Variants in ARMC2 observed in about 807,000 individuals in gnomAD.
ARMC2 encodes armadillo repeat containing 2.
ARMC2 carries 67 observed loss-of-function variants against 90.3 expected under a neutral mutation model. The observed-to-expected ratio is 0.74, with a 90% CI of 0.61 to 0.91. ARMC2 has a LOEUF of 0.91. ARMC2 is among the 40% of genes least tolerant of loss of function. The probability of loss-of-function intolerance (pLI) is 0.00; values close to 1 mark genes in which losing one functional copy is unlikely to be tolerated. For missense variants in ARMC2, 920 were observed against 1,030.9 expected, an observed-to-expected ratio of 0.89 and a Z score of 1.47; for synonymous variants, 393 against 393.0, an observed-to-expected ratio of 1.00 and a Z score of 0.00.
At chr6:108,947,268 T>C (rs1245855718) in intron 12 of ARMC2, among the ~76,000 whole-genome samples, 1 of 152,036 alleles carries the variant, frequency 6.6e-6, no homozygotes, top group Non-Finnish European at 1.5e-5. Context: ...GGGAAGATGA[T>C]GATGATTAGC....
the ARMC2 span, among the ~76,000 whole-genome samples, chr6:108,984,908 T>C: frequency 1.3e-5 from 2 of 152,130 alleles, no homozygotes; most frequent in African/African-American, 4.8e-5. Flanking sequence ...AGTTTCCCAA[T>C]TGGTTTCTAG....
At chr6:108,911,317 T>G (rs1281229509) in intron 9 of ARMC2, among the ~76,000 whole-genome samples, 1 of 152,162 alleles carries the variant, frequency 6.6e-6, no homozygotes, top group African/African-American at 2.4e-5. Context: ...GTATTTGACA[T>G]AGTTGAAAAT....
chr6:108,876,954 G>A (rs1776999653), intron 5 of ARMC2, among the ~76,000 whole-genome samples: 1 of 152,184 alleles, frequency 6.6e-6, no homozygotes, highest in Admixed American at 6.6e-5. Context: ...TTAAGGATCT[G>A]TGGAGAAATG....
At chr6:108,856,309 T>G (rs1364918823) in intron 2 of ARMC2, 3 of 152,230 alleles carry the variant, frequency 2.0e-5, no homozygotes, top group Non-Finnish European at 4.4e-5. Flanking sequence ...GTCCCAGCAC[T>G]GTTTTTTTTT....
intron 2 of ARMC2, among the ~76,000 whole-genome samples, chr6:108,857,534 C>T (rs758136172): frequency 6.6e-6 from 1 of 152,142 alleles, no homozygotes; most frequent in African/African-American, 2.4e-5. Flanking sequence ...CTGGGATGTT[C>T]TGTATGATAC....
intron 10 of ARMC2, among the ~76,000 whole-genome samples, chr6:108,926,488 G>T (rs1399592157): frequency 6.6e-6 from 1 of 152,238 alleles, no homozygotes; most frequent in Non-Finnish European, 1.5e-5. Flanking sequence ...GCTTTGGGAG[G>T]CTGAGGTGCT....
the ARMC2 span, among the ~76,000 whole-genome samples, chr6:109,022,360 A>G: frequency 7.0e-6 from 1 of 143,692 alleles, no homozygotes. Context: ...TTTCGATTTG[A>G]TATTAATAGA....
rs115757723 is a variant in ARMC2 at position 108,921,794 on chromosome 6, T to C, written c.1351-6294T>C. The stretch of plus-strand genomic sequence containing the variant: ...GTCTCTGGCGGCTGCGTTTATTCTT[T>C]TACATCATCAGTGGGAAGTCAACAA... On this transcript the variant is annotated intron_variant, in intron 10 of 17. Transcript: ENST00000392644. 3.6e-3 allele frequency among the ~76,000 whole-genome samples: 548 copies of C among 152,354 alleles called. 2 individuals are homozygous for C. Among genetic ancestry groups the C allele is most frequent in the African/African-American group, 0.012 (512 of 41,586 alleles).
the ARMC2 span, among the ~76,000 whole-genome samples, chr6:108,990,123 G>A: frequency 6.6e-6 from 1 of 152,200 alleles, no homozygotes; most frequent in African/African-American, 2.4e-5. Context: ...GTGTGAGAAG[G>A]TGGTATACAA....
intron 5 of ARMC2, among the ~76,000 whole-genome samples, chr6:108,889,924 C>T (rs1286545282): frequency 2.0e-5 from 3 of 151,346 alleles, no homozygotes; most frequent in Admixed American, 2.0e-4. Flanking sequence ...CGCGGTGGCT[C>T]ACGCCTGTAA....
intron 5 of ARMC2, among the ~76,000 whole-genome samples, chr6:108,877,162 A>T (rs958846234): frequency 6.6e-6 from 1 of 152,240 alleles, no homozygotes; most frequent in Non-Finnish European, 1.5e-5. Context: ...AGGACTTTCC[A>T]TTGGGTCATC....
chr6:108,986,897 C>G, the ARMC2 span: 2 of 152,280 alleles, frequency 1.3e-5, no homozygotes, highest in African/African-American at 4.8e-5. Context: ...AATTTAATAT[C>G]CAGAACCCTG....
the ARMC2 span, among the ~76,000 whole-genome samples, chr6:108,985,193 ACTT>A: frequency 6.6e-6 from 1 of 152,192 alleles, no homozygotes; most frequent in African/African-American, 2.4e-5. Flanking sequence ...TTACTTATCT[ACTT>A]ATCTCCTGGT....
At chr6:108,940,088 T>G (rs1776309808) in intron 12 of ARMC2, among the ~76,000 whole-genome samples, 1 of 152,182 alleles carries the variant, frequency 6.6e-6, no homozygotes, top group Admixed American at 6.5e-5. Context: ...TTTTTGCAAT[T>G]ATTTGTTTGC....
intron 5 of ARMC2, among the ~76,000 whole-genome samples, chr6:108,889,409 G>T (rs1251253225): frequency 6.6e-6 from 1 of 151,802 alleles, no homozygotes. Flanking sequence ...GCCTCCCAAA[G>T]TGCTGGGATT....
the ARMC2 span, among the ~76,000 whole-genome samples, chr6:108,985,098 T>C: frequency 1.3e-5 from 2 of 152,312 alleles, no homozygotes; most frequent in Non-Finnish European, 2.9e-5. Context: ...TAGTAACATT[T>C]CTGATTCATG....
Position 108,868,923 on chromosome 6 carries a change from G to T in ARMC2, c.391G>T (p.Ala131Ser), listed in dbSNP as rs140505039. The T allele has an allele frequency of 3.7e-4, 591 of 1,613,922 alleles. 2 individuals carry two copies. The highest frequency in any genetic ancestry group is 7.2e-4 in the Admixed American group (43 of 60,020). ...TGCGAAGATTAGAAGAGTAAGCAAC[G>T]CCAGGGCTCGCTTATTCAGGGCTGC... ...DPAKIRRVSN[A>S]RARLFRAASQ... Residue 131 changes from alanine to serine, a missense_variant, in exon 4 of 18, where the codon GCC becomes TCC. By Grantham distance (99) the Ala-to-Ser change is moderately conservative. Coordinates refer to ENST00000392644, the MANE Select transcript of ARMC2 (RefSeq NM_032131.6).
chr6:108,965,086 T>A lies in ARMC2; in HGVS notation c.2392T>A (p.Cys798Ser). ...FSENITNASS[C>S]FGNEDTNTLL... ...TGAAAACATCACTAATGCTTCGTCA[T>A]GTTTTGGAAATGAAGACACCAACAC... Residue 798 changes from cysteine to serine, a missense_variant, in exon 17 of 18, where the codon TGT becomes AGT. Physicochemically the swap from Cys to Ser is moderately radical, Grantham distance 112 (BLOSUM62 -1). Coordinates refer to ENST00000392644, the MANE Select transcript of ARMC2 (RefSeq NM_032131.6). 6.2e-7 allele frequency: 1 copy of A among 1,613,812 alleles called. No homozygotes were observed. The highest frequency in any genetic ancestry group is 8.5e-7 in the Non-Finnish European group (1 of 1,179,736).
chr6:108,867,119 A>G (rs934338319), intron 3 of ARMC2, among the ~76,000 whole-genome samples: 3 of 152,196 alleles, frequency 2.0e-5, no homozygotes, highest in African/African-American at 7.2e-5. Flanking sequence ...TGACTTTAGG[A>G]ATGTTAACTT....
Sources: allele counts gnomAD v4.1 joint callset (sites outside exome capture counted in the v4.1 genomes callset), GRCh38; gene constraint gnomAD v4.1.1; transcripts MANE v1.5; gene names NCBI Gene and HGNC (gene_info 2026-07-23, HGNC 2026-07-21).